The following STXBP5L variants were observed in gnomAD, a reference collection of about 807,000 sequenced individuals.
STXBP5L encodes syntaxin-binding protein 5-like.
In STXBP5L, 65 loss-of-function variants were observed where a neutral mutation model predicts 144.5. The observed-to-expected ratio is 0.45, with a 90% CI of 0.37 to 0.55. The LOEUF (loss-of-function observed/expected upper bound fraction) is 0.55, where lower values mean the gene tolerates loss of function less well. Among genes scored for constraint, STXBP5L ranks in the 20% least tolerant of loss-of-function variants. STXBP5L has a pLI of 0.00. For synonymous variants in STXBP5L, 505 were observed against 469.6 expected (o/e 1.08, Z -0.97); for missense variants, 1,298 against 1,405.5 (o/e 0.92, Z 1.22).
chr3:121,043,438 C>A (rs1038767335), intron 4 of STXBP5L, among the ~76,000 whole-genome samples: 4 of 151,674 alleles, frequency 2.6e-5, no homozygotes, highest in African/African-American at 9.7e-5. Flanking sequence ...TGGCCGGGCG[C>A]GGTGGCTCAC....
At chr3:121,376,088 G>A (rs536986462) in intron 20 of STXBP5L, among the ~76,000 whole-genome samples, 5 of 152,242 alleles carry the variant, frequency 3.3e-5, no homozygotes, top group Non-Finnish European at 5.9e-5. Flanking sequence ...ACCGACAATC[G>A]TAATTAACTT....
intron 10 of STXBP5L, among the ~76,000 whole-genome samples, chr3:121,210,462 T>C (rs919006012): frequency 5.3e-5 from 8 of 152,182 alleles, no homozygotes; most frequent in Non-Finnish European, 1.2e-4. Flanking sequence ...GTTTTGGCTT[T>C]TGTTGCCATT....
At chr3:121,186,631 C>T (rs1427561346) in intron 9 of STXBP5L, among the ~76,000 whole-genome samples, 6 of 152,118 alleles carry the variant, frequency 3.9e-5, no homozygotes, top group Admixed American at 3.9e-4. Context: ...GCCTTGCATC[C>T]CAGGGATGAA....
chr3:121,413,545 T>C (rs2047168353), intron 24 of STXBP5L, among the ~76,000 whole-genome samples: 1 of 152,194 alleles, frequency 6.6e-6, no homozygotes, highest in African/African-American at 2.4e-5. Context: ...AGATCATTCA[T>C]ATTAATAGCT....
intron 3 of STXBP5L, among the ~76,000 whole-genome samples, chr3:120,970,661 G>C (rs765638259): frequency 8.5e-5 from 13 of 152,052 alleles, no homozygotes; most frequent in Non-Finnish European, 1.6e-4. Flanking sequence ...GGTTGAATTT[G>C]ATGGGTGGCC....
rs575110270 is a variant in STXBP5L at position 121,310,795 on chromosome 3, G to A, written c.2111-7680G>A. Among the ~76,000 whole-genome samples, 3 of 152,068 alleles carry A rather than the reference G, an allele frequency of 2.0e-5. No individual in the cohort carries two copies. The East Asian group carries it at 5.8e-4, about 29-fold the overall frequency. On this transcript the variant is annotated intron_variant, in intron 19 of 26. Coordinates refer to ENST00000471454, the MANE Select transcript of STXBP5L (RefSeq NM_001308330.2). The stretch of plus-strand genomic sequence containing the variant: ...ATGGTGGCCCACACCTGTAATCCCA[G>A]CTACTTGGGAGGCTGAAGCAGGAGA...
At chr3:121,258,262 C>T (rs899275898) in intron 17 of STXBP5L, among the ~76,000 whole-genome samples, 1 of 152,124 alleles carries the variant, frequency 6.6e-6, no homozygotes, top group Non-Finnish European at 1.5e-5. Context: ...GAGAATTAAA[C>T]CTAAGCAGGG....
At chr3:120,976,720 G>T (rs535783189) in intron 3 of STXBP5L, among the ~76,000 whole-genome samples, 2 of 152,302 alleles carry the variant, frequency 1.3e-5, no homozygotes, top group East Asian at 1.9e-4. Flanking sequence ...CTTTGAATGT[G>T]TCCCAGTGTT....
chr3:121,171,180 C>G (rs1439522542), intron 9 of STXBP5L, among the ~76,000 whole-genome samples: 1 of 152,154 alleles, frequency 6.6e-6, no homozygotes, highest in East Asian at 1.9e-4. Flanking sequence ...TAAAAACTCT[C>G]AATAAACTAG....
At chr3:120,931,509 C>T (rs1487244109) in intron 2 of STXBP5L, among the ~76,000 whole-genome samples, 1 of 152,106 alleles carries the variant, frequency 6.6e-6, no homozygotes, top group Admixed American at 6.6e-5. Flanking sequence ...AACCATGACC[C>T]AGCCCTTAGT....
At chr3:121,235,522 T>C (rs1460211003) in intron 12 of STXBP5L, among the ~76,000 whole-genome samples, 1 of 152,114 alleles carries the variant, frequency 6.6e-6, no homozygotes, top group Non-Finnish European at 1.5e-5. Context: ...TATTTCACTT[T>C]GTCAGGAGCC....
chr3:121,362,435 A>G (rs1022634350), intron 20 of STXBP5L, among the ~76,000 whole-genome samples: 14 of 152,152 alleles, frequency 9.2e-5, no homozygotes, highest in African/African-American at 3.4e-4. Flanking sequence ...CAGGGCTGGC[A>G]CTCAAAACAC....
intron 3 of STXBP5L, among the ~76,000 whole-genome samples, chr3:120,970,014 G>T (rs1002522735): frequency 1.3e-5 from 2 of 151,936 alleles, no homozygotes; most frequent in Non-Finnish European, 2.9e-5. Flanking sequence ...ATTTAAAACT[G>T]ATTATGACTT....
intron 10 of STXBP5L, among the ~76,000 whole-genome samples, chr3:121,210,057 A>T (rs992101872): frequency 6.6e-6 from 1 of 152,168 alleles, no homozygotes; most frequent in African/African-American, 2.4e-5. Flanking sequence ...CCAACAGTGT[A>T]AAAGTGTTCC....
intron 9 of STXBP5L, among the ~76,000 whole-genome samples, chr3:121,193,732 C>A (rs1436083321): frequency 1.3e-5 from 2 of 152,044 alleles, no homozygotes; most frequent in Non-Finnish European, 2.9e-5. Context: ...GACAGAAAAC[C>A]AAACACCGTA....
At chr3:121,208,092 A>C (rs1468202769) in intron 10 of STXBP5L, among the ~76,000 whole-genome samples, 1 of 152,244 alleles carries the variant, frequency 6.6e-6, no homozygotes, top group African/African-American at 2.4e-5. Flanking sequence ...CCAAATGTCC[A>C]TCAGTGATAG....
At chr3:121,094,465 G>A (rs573295251) in intron 5 of STXBP5L, among the ~76,000 whole-genome samples, 1 of 152,146 alleles carries the variant, frequency 6.6e-6, no homozygotes, top group African/African-American at 2.4e-5. Context: ...CCTGTATTGG[G>A]TGCATATATA....
intron 5 of STXBP5L, among the ~76,000 whole-genome samples, chr3:121,057,938 C>A (rs754791291): frequency 6.6e-6 from 1 of 151,590 alleles, no homozygotes; most frequent in African/African-American, 2.4e-5. Context: ...TAGCATAACA[C>A]CTTGCTCTTT....
At chr3:121,063,035 A>C (rs1370935813) in intron 5 of STXBP5L, among the ~76,000 whole-genome samples, 1 of 152,064 alleles carries the variant, frequency 6.6e-6, no homozygotes, top group Admixed American at 6.6e-5. Flanking sequence ...TTCTCCATCC[A>C]GTTTTGTTCC....
Sources: gnomAD v4.1 joint callset for allele counts (sites outside exome capture counted in the v4.1 genomes callset) on GRCh38, gnomAD v4.1.1 for gene constraint, MANE v1.5 for transcripts, NCBI Gene and HGNC (gene_info 2026-07-23, HGNC 2026-07-21) for gene names.